The following SGIP1 variants were observed in gnomAD, a reference collection of about 807,000 sequenced individuals.
SGIP1 encodes the protein SH3-containing GRB2-like protein 3-interacting protein 1.
In SGIP1, 38 loss-of-function variants were observed where a neutral mutation model predicts 107.5. The observed-to-expected ratio is 0.35, with a 90% CI of 0.27 to 0.46. SGIP1 has a LOEUF of 0.46. Ranked by LOEUF, SGIP1 falls within the 20% of genes least tolerant of loss-of-function variation. The pLI is 1.00. For missense variants in SGIP1, 929 were observed against 1,019.5 expected, an observed-to-expected ratio of 0.91 and a Z score of 1.21; for synonymous variants, 365 against 366.1, an observed-to-expected ratio of 1.00 and a Z score of 0.03.
rs1260272323 is a variant in SGIP1, at chr1:66,748,016, T to A, written c.*4921T>A. The A allele has an allele frequency of 1.3e-5, 2 of 152,036 alleles. No individual in the cohort carries two copies. Among genetic ancestry groups the A allele is most frequent in the African/African-American group, 4.8e-5 (2 of 41,456 alleles). The allele number at this position is 152,036 out of a possible 1,614,324, so 9.4% of individuals were successfully genotyped here. ...AATGAGTCAAATTAGATTGTTGATA[T>A]AAATGAACAAATCAATCCAAGTTAC... On this transcript the variant is annotated 3_prime_UTR_variant, in exon 25 of 25. Transcript: ENST00000371037.
intron 1 of SGIP1, among the ~76,000 whole-genome samples, chr1:66,593,385 G>T (rs2064012565): frequency 6.6e-6 from 1 of 152,092 alleles, no homozygotes; most frequent in Non-Finnish European, 1.5e-5. Flanking sequence ...CTTCCAAAGT[G>T]GCTGTACCAC....
chr1:66,537,453 G>A lies in SGIP1; in HGVS notation c.10+3085G>A, dbSNP rs555735753. 4.6e-5 allele frequency among the ~76,000 whole-genome samples: 7 copies of A among 152,202 alleles called. No individual in the cohort carries two copies. The South Asian group carries it at 1.5e-3, about 32-fold the overall frequency. On this transcript the variant is annotated intron_variant, in intron 1 of 24. Transcript: ENST00000371037. ...TAAAGTTTGAAAATGGCATTCTTTA[G>A]CTATCCTTTCTAAGATAACTGGAAC...
intron 7 of SGIP1, among the ~76,000 whole-genome samples, chr1:66,651,247 C>A (rs1364681756): frequency 6.6e-6 from 1 of 152,148 alleles, no homozygotes; most frequent in African/African-American, 2.4e-5. Context: ...GCTGTGAACA[C>A]GAGTGCTGTG....
chr1:66,560,081 A>G (rs1571326840), intron 1 of SGIP1, among the ~76,000 whole-genome samples: 2 of 152,146 alleles, frequency 1.3e-5, no homozygotes, highest in Middle Eastern at 3.4e-3. Context: ...AAGAAGAGCA[A>G]TACACCAACT....
chr1:66,625,840 C>T lies in SGIP1; in HGVS notation c.11-7C>T. ...AGAGTTTTTGACCCTTTGCTGTTTT[C>T]CCACAGGATTGAAAAAACGTACAAG... On this transcript the variant is annotated splice_region_variant and splice_polypyrimidine_tract_variant and intron_variant, in intron 1 of 24. Coordinates refer to ENST00000371037, the MANE Select transcript of SGIP1 (RefSeq NM_032291.4). 1 of 1,611,336 alleles carries T rather than the reference C, an allele frequency of 6.2e-7. No individual in the cohort carries two copies. Among genetic ancestry groups the T allele is most frequent in the Non-Finnish European group, 8.5e-7 (1 of 1,178,372 alleles).
rs562782586 is a variant in SGIP1 at position 66,555,650 on chromosome 1, G to A, written c.10+21282G>A. The stretch of plus-strand genomic sequence containing the variant: ...ATGGCATCGATTTAGCAGCTATATG[G>A]TCTTGTAGTTTCAGAGAATTGCTTT... On this transcript the variant is annotated intron_variant, in intron 1 of 24. Coordinates refer to ENST00000371037, the MANE Select transcript of SGIP1 (RefSeq NM_032291.4). Among the ~76,000 whole-genome samples, 13 of 152,224 alleles carry A rather than the reference G, an allele frequency of 8.5e-5. No individual in the cohort carries two copies. In the East Asian group the frequency reaches 2.5e-3, roughly 29 times the overall value.
At chr1:66,645,960 C>G (rs1199216489) in intron 7 of SGIP1, among the ~76,000 whole-genome samples, 1 of 152,122 alleles carries the variant, frequency 6.6e-6, no homozygotes, top group Non-Finnish European at 1.5e-5. Context: ...CTTGCCTCAG[C>G]CTCCCAAGTA....
At chr1:66,673,426 T>C in intron 12 of SGIP1, 60 bp downstream of exon 12, 1 of 1,403,260 alleles carries the variant, frequency 7.1e-7, no homozygotes, top group Non-Finnish European at 9.7e-7. Context: ...AGTACAACTC[T>C]TCTAGATTAA....
intron 21 of SGIP1, among the ~76,000 whole-genome samples, chr1:66,737,549 A>T (rs1483466144): frequency 6.6e-6 from 1 of 152,096 alleles, no homozygotes; most frequent in Non-Finnish European, 1.5e-5. Context: ...TAAATAAATA[A>T]AGTGTAGGCA....
chr1:66,615,047 C>T (rs1570633331), intron 1 of SGIP1, among the ~76,000 whole-genome samples: 1 of 152,096 alleles, frequency 6.6e-6, no homozygotes, highest in Admixed American at 6.5e-5. Context: ...TCTCGAACTC[C>T]TGACCTCAGG....
At chr1:66,708,913 G>A (rs1434730342) in intron 18 of SGIP1, among the ~76,000 whole-genome samples, 1 of 152,126 alleles carries the variant, frequency 6.6e-6, no homozygotes, top group Non-Finnish European at 1.5e-5. Flanking sequence ...TCTACGCTAT[G>A]AGAACTGACT....
chr1:66,730,094 G>T (rs1041164490), intron 20 of SGIP1, among the ~76,000 whole-genome samples: 2 of 152,234 alleles, frequency 1.3e-5, no homozygotes, highest in South Asian at 2.1e-4. Flanking sequence ...GAGCCACCAC[G>T]CCTGGCCTTC....
At chr1:66,595,074 C>T (rs746103398) in intron 1 of SGIP1, among the ~76,000 whole-genome samples, 2 of 152,132 alleles carry the variant, frequency 1.3e-5, no homozygotes, top group Non-Finnish European at 2.9e-5. Flanking sequence ...TCCAGGGGCA[C>T]GCTGTTTACT....
intron 2 of SGIP1, among the ~76,000 whole-genome samples, chr1:66,627,151 C>T (rs1299025386): frequency 2.0e-5 from 3 of 151,950 alleles, no homozygotes; most frequent in African/African-American, 4.8e-5. Flanking sequence ...ATTACTGACA[C>T]AAATTAGTAT....
intron 18 of SGIP1, among the ~76,000 whole-genome samples, chr1:66,718,516 G>T (rs548202530): frequency 1.8e-4 from 28 of 152,092 alleles, no homozygotes; most frequent in African/African-American, 6.5e-4. Context: ...CACTTACATG[G>T]AGCTTCTGTT....
chr1:66,623,665 A>G (rs536537889), intron 1 of SGIP1, among the ~76,000 whole-genome samples: 3 of 152,326 alleles, frequency 2.0e-5, no homozygotes, highest in South Asian at 2.1e-4. Flanking sequence ...TGTGTTAAAA[A>G]CATCATTTCC....
chr1:66,537,193 G>A (rs4655494), intron 1 of SGIP1, among the ~76,000 whole-genome samples: 104,406 of 152,026 alleles, frequency 0.69, 36,403 homozygotes, highest in East Asian at 1. Context: ...ACATATTTTA[G>A]GGGACTTGAT....
chr1:66,693,967 T>C (rs1401717363), intron 17 of SGIP1, among the ~76,000 whole-genome samples: 2 of 152,222 alleles, frequency 1.3e-5, no homozygotes, highest in Non-Finnish European at 2.9e-5. Context: ...TTTATGGCCA[T>C]GTTAAAAGCA....
chr1:66,715,038 T>TAA (rs1332547356), intron 18 of SGIP1, among the ~76,000 whole-genome samples: 1 of 152,160 alleles, frequency 6.6e-6, no homozygotes, highest in Non-Finnish European at 1.5e-5. Flanking sequence ...TACCTGGTAT[T>TAA]CTTGTCAATT....
Sources: allele counts gnomAD v4.1 joint callset (sites outside exome capture counted in the v4.1 genomes callset), GRCh38; gene constraint gnomAD v4.1.1; transcripts MANE v1.5; gene names NCBI Gene and HGNC (gene_info 2026-07-23, HGNC 2026-07-21).